The following GPATCH2L variants were observed in gnomAD, a reference collection of about 807,000 sequenced individuals.
GPATCH2L encodes the protein G patch domain-containing protein 2-like.
In GPATCH2L, 31 loss-of-function variants were observed where a neutral mutation model predicts 57.4. The ratio of observed to expected loss-of-function variants is 0.54; its 90% confidence interval spans 0.41 to 0.73. GPATCH2L has a LOEUF of 0.73. GPATCH2L is among the 30% of genes least tolerant of loss of function. The pLI is 0.00. For synonymous variants in GPATCH2L, 199 were observed against 210.7 expected (o/e 0.94, Z 0.48); for missense variants, 481 against 599.9 (o/e 0.80, Z 2.07).
intron 5 of GPATCH2L, chr14:76,176,029 G>C (rs1049447060): frequency 5.3e-5 from 8 of 152,264 alleles, no homozygotes; most frequent in African/African-American, 1.9e-4. Flanking sequence ...ATAATCTTGA[G>C]AACCCTGAAT....
In GPATCH2L at chr14:76,206,666, A is replaced by G. The variant is rs1475132720; in HGVS notation, c.*4815A>G. On this transcript the variant is annotated 3_prime_UTR_variant, in exon 10 of 10. Transcript: ENST00000261530. ...AATGTGTGGTCCCTAGGCCAACAGC[A>G]TCAGCACATCTTGCCCTCACCAGAC... The G allele has an allele frequency of 6.6e-6, 1 of 152,458 alleles. No individual in the cohort carries two copies. The highest frequency in any genetic ancestry group is 2.4e-5 in the African/African-American group (1 of 41,472). 9.4% of individuals were successfully genotyped at this position (152,458 alleles called of 1,614,324 possible). A position where few individuals can be genotyped will look rare whatever the true frequency, so the allele number is the denominator to read the frequency against.
chr14:76,173,098 C>G (rs1038917592), intron 4 of GPATCH2L, among the ~76,000 whole-genome samples: 4 of 152,116 alleles, frequency 2.6e-5, no homozygotes, highest in African/African-American at 9.7e-5. Context: ...AGAACACATG[C>G]AGCAGTGAGA....
At chr14:76,197,641 G>T (rs2040196007) in intron 9 of GPATCH2L, among the ~76,000 whole-genome samples, 1 of 152,112 alleles carries the variant, frequency 6.6e-6, no homozygotes, top group Non-Finnish European at 1.5e-5. Context: ...CTAACATCGG[G>T]CCATCTCGGA....
At chr14:76,227,639 G>A (rs910647654) in intron 1 of GPATCH2L, among the ~76,000 whole-genome samples, 3 of 152,162 alleles carry the variant, frequency 2.0e-5, no homozygotes, top group Admixed American at 6.5e-5. Flanking sequence ...TATGCTTTTC[G>A]TTTAAGATAT....
intron 2 of GPATCH2L, among the ~76,000 whole-genome samples, chr14:76,156,012 T>C (rs2038290882): frequency 6.6e-6 from 1 of 152,220 alleles, no homozygotes; most frequent in African/African-American, 2.4e-5. Flanking sequence ...GGCCAGGCAC[T>C]GTACTATGGA....
rs1651749228 is a variant in GPATCH2L, at chr14:76,206,663, A to G, written c.*4812A>G. The G allele has an allele frequency of 6.6e-6, 1 of 152,446 alleles. No individual in the cohort carries two copies. Among genetic ancestry groups the G allele is most frequent in the African/African-American group, 2.4e-5 (1 of 41,470 alleles). The allele number at this position is 152,446 out of a possible 1,614,324, so 9.4% of individuals were successfully genotyped here. On this transcript the variant is annotated 3_prime_UTR_variant, in exon 10 of 10. Transcript: ENST00000261530. ...CTCAATGTGTGGTCCCTAGGCCAAC[A>G]GCATCAGCACATCTTGCCCTCACCA...
chr14:76,178,096 G>A, intron 7 of GPATCH2L, 54 bp downstream of exon 7: 3 of 1,432,118 alleles, frequency 2.1e-6, no homozygotes, highest in Non-Finnish European at 2.9e-6. Flanking sequence ...CGTTTTCTAA[G>A]AGTATCCAAC....
rs938293117 is a variant in GPATCH2L, at chr14:76,209,692, C to T, written c.*7841C>T. The T allele has an allele frequency of 1.3e-5, 2 of 152,222 alleles. No homozygotes were observed. Among genetic ancestry groups the T allele is most frequent in the African/African-American group, 4.8e-5 (2 of 41,444 alleles). The allele number at this position is 152,222 out of a possible 1,614,324, so 9.4% of individuals were successfully genotyped here. On this transcript the variant is annotated 3_prime_UTR_variant, in exon 10 of 10. Coordinates refer to ENST00000261530, the MANE Select transcript of GPATCH2L (RefSeq NM_017926.4). ...CTCAAGCCTTTTTGGCCTTGAACTT[C>T]ATGTTGATTTTTATCAAAGAACTTT...
chr14:76,195,830 A>T, intron 8 of GPATCH2L, 48 bp from the exon 9 acceptor site: 1 of 1,372,614 alleles, frequency 7.3e-7, no homozygotes, highest in African/African-American at 1.4e-5. Context: ...ATGTCTTACA[A>T]TAAGAATTAA....
intron 3 of GPATCH2L, among the ~76,000 whole-genome samples, chr14:76,168,530 A>G (rs370262272): frequency 6.6e-6 from 1 of 152,168 alleles, no homozygotes; most frequent in Non-Finnish European, 1.5e-5. Context: ...TTAGGTTTAC[A>G]TCTACTCAGT....
rs1184409345 is a variant in GPATCH2L, at chr14:76,209,743, A to G, written c.*7892A>G. On this transcript the variant is annotated 3_prime_UTR_variant, in exon 10 of 10. Coordinates refer to ENST00000261530, the MANE Select transcript of GPATCH2L (RefSeq NM_017926.4). ...TTATTGGGGCATCAGCACTAGCCCT[A>G]TGAATACAGTGAAACTTGGGGTTCC... The G allele has an allele frequency of 3.9e-5, 6 of 152,222 alleles. No individual in the cohort carries two copies. The highest frequency in any genetic ancestry group is 1.9e-4 in the East Asian group (1 of 5,190). The allele number at this position is 152,222 out of a possible 1,614,324, so 9.4% of individuals were successfully genotyped here.
intron 2 of GPATCH2L, among the ~76,000 whole-genome samples, chr14:76,231,300 C>T (rs1038203015): frequency 6.6e-6 from 1 of 152,190 alleles, no homozygotes; most frequent in African/African-American, 2.4e-5. Flanking sequence ...TATAGACTCA[C>T]ATCATCCGTC....
At chr14:76,180,653 A>G in intron 7 of GPATCH2L, 111 bp from the exon 8 acceptor site, 1 of 742,340 alleles carries the variant, frequency 1.3e-6, no homozygotes, top group Non-Finnish European at 2.4e-6. Context: ...TGTGTTTGGT[A>G]TAACAAGAGT....
At chr14:76,185,778 G>A (rs556356642) in intron 8 of GPATCH2L, among the ~76,000 whole-genome samples, 1 of 152,182 alleles carries the variant, frequency 6.6e-6, no homozygotes, top group East Asian at 1.9e-4. Flanking sequence ...TTGTGGTAAG[G>A]ATGGCAGATA....
At position 76,232,777 on chromosome 14, in the gene GPATCH2L, C is replaced by T. The variant is rs183506106; in HGVS notation, c.*117+2824C>T. 1.3e-4 allele frequency among the ~76,000 whole-genome samples: 20 copies of T among 152,272 alleles called. No individual in the cohort carries two copies. In the East Asian group the frequency reaches 3.9e-3, roughly 29 times the overall value. The stretch of plus-strand genomic sequence containing the variant: ...GTCCTGGGAAGTGTCCTTTTCCCAG[C>T]ACTGATATGTAACAATGCACATGGA... On this transcript the variant is annotated intron_variant and NMD_transcript_variant, in intron 2 of 3. Coordinates refer to the GPATCH2L transcript ENST00000556372.
At chr14:76,231,649 A>ACACACACT in intron 2 of GPATCH2L, among the ~76,000 whole-genome samples, 1 of 149,654 alleles carries the variant, frequency 6.7e-6, no homozygotes, top group Non-Finnish European at 1.5e-5. Flanking sequence ...ACACACACAC[A>ACACACACT]CTCTTCTGGT....
rs549982965 is a variant in GPATCH2L, at chr14:76,201,175, G to A, written c.1289-516G>A. ...TATTTATTGGTAACACTGCCCTATC[G>A]GAGGCATGGGTTGTGGCAGGAAGAG... On this transcript the variant is annotated intron_variant, in intron 9 of 9. Transcript: ENST00000261530. Among the ~76,000 whole-genome samples the A allele has an allele frequency of 2.6e-4, 39 of 152,232 alleles. 1 individual carries two copies. Among genetic ancestry groups the A allele is most frequent in the African/African-American group, 7.5e-4 (31 of 41,532 alleles).
chr14:76,154,353 G>T lies in GPATCH2L; in HGVS notation c.-10-1G>T. On this transcript the variant is annotated splice_acceptor_variant, in intron 1 of 9. Transcript: ENST00000261530. LOFTEE classifies it low-confidence loss of function (5UTR_SPLICE). This position sits in a 1 kb window ranked among gnomAD's most constrained non-coding sequence, Gnocchi z 4.4. ...TTTTTTCCTAAACTTCCTTTTGGCA[G>T]ATGTGGCCTCATGGATGAGCTGGTA... 1 of 1,556,078 alleles carries T rather than the reference G, an allele frequency of 6.4e-7. No individual in the cohort carries two copies. The highest frequency in any genetic ancestry group is 8.7e-7 in the Non-Finnish European group (1 of 1,147,260).
At chr14:76,231,356 G>A (rs930634927) in intron 2 of GPATCH2L, among the ~76,000 whole-genome samples, 1 of 152,100 alleles carries the variant, frequency 6.6e-6, no homozygotes, top group Non-Finnish European at 1.5e-5. Context: ...CCTGCTCAGG[G>A]CTTCATGTGA....
Sources: gnomAD v4.1 joint callset for allele counts (sites outside exome capture counted in the v4.1 genomes callset) on GRCh38, gnomAD v4.1.1 for gene constraint, Gnocchi (gnomAD v3.1) non-coding constraint, MANE v1.5 for transcripts, NCBI Gene and HGNC (gene_info 2026-07-23, HGNC 2026-07-21) for gene names.